SYNPO: variants seen among roughly 807,000 people sequenced by gnomAD.
SYNPO encodes the protein synaptopodin.
In SYNPO, 19 loss-of-function variants were observed where a neutral mutation model predicts 49.5. The ratio of observed to expected loss-of-function variants is 0.38; its 90% CI spans 0.27 to 0.56. The LOEUF (loss-of-function observed/expected upper bound fraction) is 0.56, where lower values mean the gene tolerates loss of function less well. Among genes scored for constraint, SYNPO ranks in the 20% least tolerant of loss-of-function variants. The pLI, the probability that SYNPO is intolerant of heterozygous loss-of-function variation, is 0.68. For missense variants in SYNPO, 1,131 were observed against 1,248.3 expected (o/e 0.91, Z 1.42); for synonymous variants, 536 against 548.0 (o/e 0.98, Z 0.31).
chr5:150,643,962 C>T (rs1003816039), intron 1 of SYNPO, among the ~76,000 whole-genome samples: 1 of 151,914 alleles, frequency 6.6e-6, no homozygotes, highest in Non-Finnish European at 1.5e-5. Flanking sequence ...ATCACTTGAG[C>T]TCAGGAGTTC....
upstream of SYNPO, among the ~76,000 whole-genome samples, chr5:150,637,519 G>A (rs747211647): frequency 1.3e-5 from 2 of 152,202 alleles, no homozygotes; most frequent in Non-Finnish European, 2.9e-5. Flanking sequence ...GTGACCACCT[G>A]CCACGACTGA....
Position 150,601,081 on chromosome 5 carries a change from G to A in SYNPO, c.-373G>A, listed in dbSNP as rs889408830. The A allele has an allele frequency of 2.6e-5, 4 of 152,376 alleles. 1 individual carries two copies. The highest frequency in any genetic ancestry group is 1.9e-4 in the East Asian group (1 of 5,196). 9.4% of individuals were successfully genotyped at this position (152,376 alleles called of 1,614,324 possible). ...CATCCCGCTCAGCCTGCTCCAGACA[G>A]AGCGCGAGTGAGGAGCAGGCGGGCA... On this transcript the variant is annotated 5_prime_UTR_variant, in exon 1 of 3. Transcript: ENST00000394243.
In SYNPO at chr5:150,649,941, C is replaced by T. The variant is rs149554571; in HGVS notation, c.1666C>T (p.Arg556Cys). Residue 556 changes from arginine (R) to cysteine (C), a missense_variant, in exon 2 of 3, where the codon CGC becomes TGC. This residue lies in a region of SYNPO where 602 missense variants were observed against 720.7 expected (regional missense o/e 0.84). Coordinates refer to ENST00000307662, the MANE Select transcript of SYNPO (RefSeq NM_007286.6). ...CTACCTGCCTGAGAACGGGGTCCTGCGCCCAGAGCCCACCAAGCAGCCGCC... is the reference window on the plus strand; with the variant it reads ...CTACCTGCCTGAGAACGGGGTCCTGTGCCCAGAGCCCACCAAGCAGCCGCC... Reference protein sequence around the residue: ...HGYLPENGVLRPEPTKQPPYQ... With the variant: ...HGYLPENGVLCPEPTKQPPYQ... 2.4e-5 allele frequency: 39 copies of T among 1,612,276 alleles called. No homozygotes were observed. In the African/African-American group the frequency reaches 2.8e-4, roughly 12 times the overall value.
Position 150,648,320 on chromosome 5 carries a change from G to T in SYNPO, c.45G>T (p.Glu15Asp). 6.2e-7 allele frequency: 1 copy of T among 1,614,204 alleles called. No homozygotes were observed. Among genetic ancestry groups the T allele is most frequent in the Non-Finnish European group, 8.5e-7 (1 of 1,180,024 alleles). The change falls in exon 2 of 3, where the codon GAG becomes GAT. Residue 15 changes from glutamate to aspartate, a missense_variant. By Grantham distance (45) the Glu-to-Asp change is conservative. Coordinates refer to ENST00000307662, the MANE Select transcript of SYNPO (RefSeq NM_007286.6). This position sits in a 1 kb window ranked among gnomAD's most constrained non-coding sequence, Gnocchi z 5.0. ...AGGCTAGCTTGCTGCGGCACCTGGA[G>T]AAGGTGGCCAGTGAGGAGGAAGAGG... ...SEEASLLRHL[E>D]KVASEEEEVP...
chr5:150,606,474 G>A (rs529819667), intron 1 of SYNPO, among the ~76,000 whole-genome samples: 34 of 152,330 alleles, frequency 2.2e-4, no homozygotes, highest in African/African-American at 7.5e-4. Flanking sequence ...CTTGCCCAAG[G>A]CCACACAGTT....
chr5:150,595,494 G>A, the SYNPO span, among the ~76,000 whole-genome samples: 1 of 152,160 alleles, frequency 6.6e-6, no homozygotes, highest in Non-Finnish European at 1.5e-5. Context: ...TTCGGCATAG[G>A]CCACTCTCTG....
chr5:150,631,842 G>A (rs2151388439), intron 2 of SYNPO, among the ~76,000 whole-genome samples: 1 of 152,308 alleles, frequency 6.6e-6, no homozygotes, highest in Admixed American at 6.5e-5. Flanking sequence ...TGGTGAGAGT[G>A]CGTTCCTGGG....
At chr5:150,595,088 G>A in the SYNPO span, among the ~76,000 whole-genome samples, 1 of 152,210 alleles carries the variant, frequency 6.6e-6, no homozygotes, top group East Asian at 1.9e-4. Flanking sequence ...ACCCCGTGCT[G>A]TTGCAAGACT....
At chr5:150,655,167 T>A (rs1758513370) in intron 2 of SYNPO, among the ~76,000 whole-genome samples, 1 of 152,248 alleles carries the variant, frequency 6.6e-6, no homozygotes, top group South Asian at 2.1e-4. Context: ...TTAATTTTGA[T>A]AATAGATAAT....
intron 2 of SYNPO, among the ~76,000 whole-genome samples, chr5:150,620,945 C>CTTTG (rs1561639893): frequency 1.5e-5 from 1 of 64,800 alleles, no homozygotes; most frequent in East Asian, 4.1e-4. Context: ...TTCTTTCTTT[C>CTTTG]TTTTCTTTTC....
upstream of SYNPO, among the ~76,000 whole-genome samples, chr5:150,598,470 C>T (rs1266911431): frequency 6.6e-6 from 1 of 152,210 alleles, no homozygotes; most frequent in African/African-American, 2.4e-5. Context: ...GCAAACAGTT[C>T]GGCCTCCCTA....
intron 2 of SYNPO, among the ~76,000 whole-genome samples, chr5:150,632,466 C>G (rs1757572719): frequency 6.6e-6 from 1 of 152,096 alleles, no homozygotes; most frequent in Non-Finnish European, 1.5e-5. Flanking sequence ...TTTATTCATC[C>G]CATGAACAAG....
chr5:150,650,413 C>T, intron 2 of SYNPO, 110 bp downstream of exon 2: 1 of 1,562,090 alleles, frequency 6.4e-7, no homozygotes, highest in Non-Finnish European at 8.7e-7. Flanking sequence ...CAGGAAATGG[C>T]ACAGAGCTGA....
chr5:150,595,908 A>G, the SYNPO span, among the ~76,000 whole-genome samples: 225 of 148,204 alleles, frequency 1.5e-3, 1 homozygote, highest in African/African-American at 5.4e-3. Flanking sequence ...CAACGGAGCC[A>G]GGAAGGTATG....
intron 1 of SYNPO, among the ~76,000 whole-genome samples, chr5:150,644,428 C>T (rs1758017425): frequency 6.6e-6 from 1 of 152,190 alleles, no homozygotes; most frequent in African/African-American, 2.4e-5. Flanking sequence ...TCTGGAATCT[C>T]CTGCTATTTG....
At chr5:150,623,322 TCTC>T (rs1433778081) in intron 2 of SYNPO, among the ~76,000 whole-genome samples, 1 of 151,998 alleles carries the variant, frequency 6.6e-6, no homozygotes, top group Non-Finnish European at 1.5e-5. Flanking sequence ...AATCACTTTC[TCTC>T]CTTTCTTTTC....
intron 1 of SYNPO, among the ~76,000 whole-genome samples, chr5:150,613,961 CAGA>C (rs771708189): frequency 1.3e-5 from 2 of 152,132 alleles, no homozygotes; most frequent in Admixed American, 6.5e-5. Context: ...GATGGGGAAT[CAGA>C]AGGAGGCTGG....
At chr5:150,607,548 T>A (rs1756728772) in intron 1 of SYNPO, among the ~76,000 whole-genome samples, 2 of 152,206 alleles carry the variant, frequency 1.3e-5, no homozygotes, top group African/African-American at 4.8e-5. Flanking sequence ...GCCAAGCACA[T>A]TTAAATGAGA....
the SYNPO span, among the ~76,000 whole-genome samples, chr5:150,588,714 CCAGGGGCCATAAAGT>C: frequency 2.0e-5 from 3 of 151,918 alleles, no homozygotes; most frequent in African/African-American, 7.3e-5. Context: ...CCAGGAGCTC[CCAGGGGCCATAAAGT>C]CAGTCTAATG....
Sources: allele counts gnomAD v4.1 joint callset (sites outside exome capture counted in the v4.1 genomes callset), GRCh38; gene constraint gnomAD v4.1.1; regional missense constraint gnomAD v4.1.1; non-coding constraint Gnocchi (gnomAD v3.1); transcripts MANE v1.5; gene names NCBI Gene and HGNC (gene_info 2026-07-23, HGNC 2026-07-21).